TASP1: variants seen among roughly 807,000 people sequenced by gnomAD.
TASP1 encodes the protein threonine aspartase 1.
TASP1 carries 16 observed loss-of-function variants against 56.6 expected under a neutral mutation model. The ratio of observed to expected loss-of-function variants is 0.28; its 90% CI spans 0.19 to 0.43. TASP1 has a LOEUF of 0.43. Among genes scored for constraint, TASP1 ranks in the 20% least tolerant of loss-of-function variants. TASP1 has a pLI of 1.00. For synonymous variants in TASP1, 179 were observed against 184.2 expected (o/e 0.97, Z 0.23); for missense variants, 393 against 511.6 (o/e 0.77, Z 2.24).
At chr20:13,421,810 A>C (rs190950676) in intron 12 of TASP1, among the ~76,000 whole-genome samples, 72 of 152,306 alleles carry the variant, frequency 4.7e-4, no homozygotes, top group Non-Finnish European at 8.8e-4. Context: ...TATGCTCTGT[A>C]ATGCTGATGA....
chr20:13,160,103 G>A, the TASP1 span: 1 of 1,613,902 alleles, frequency 6.2e-7, no homozygotes, highest in Non-Finnish European at 8.5e-7. Context: ...TTGTGTTTCA[G>A]CGGCACATAC....
At chr20:13,473,662 C>G (rs904041897) in intron 11 of TASP1, among the ~76,000 whole-genome samples, 1 of 152,072 alleles carries the variant, frequency 6.6e-6, no homozygotes, top group African/African-American at 2.4e-5. Context: ...AAACAAACCC[C>G]AAGATTTTCC....
chr20:13,535,748 G>T (rs2045393318), intron 8 of TASP1, among the ~76,000 whole-genome samples: 1 of 152,152 alleles, frequency 6.6e-6, no homozygotes, highest in Admixed American at 6.6e-5. Context: ...TACAAAACAT[G>T]CCCAATAGTG....
At chr20:13,479,439 T>C (rs189787683) in intron 11 of TASP1, among the ~76,000 whole-genome samples, 12 of 152,124 alleles carry the variant, frequency 7.9e-5, no homozygotes, top group Admixed American at 3.3e-4. Flanking sequence ...TATAATTTCA[T>C]TTAATGGCTA....
the TASP1 span, among the ~76,000 whole-genome samples, chr20:13,185,610 A>G: frequency 6.6e-6 from 1 of 152,142 alleles, no homozygotes; most frequent in Non-Finnish European, 1.5e-5. Flanking sequence ...GCACACCTGT[A>G]CTTGATTCCA....
chr20:13,289,964 C>A, the TASP1 span, among the ~76,000 whole-genome samples: 2 of 152,104 alleles, frequency 1.3e-5, no homozygotes, highest in Non-Finnish European at 2.9e-5. Flanking sequence ...AGTTCTCCAA[C>A]CAGAGACATT....
At chr20:13,397,421 T>C (rs896255451) in intron 13 of TASP1, among the ~76,000 whole-genome samples, 3 of 150,296 alleles carry the variant, frequency 2.0e-5, no homozygotes, top group African/African-American at 7.4e-5. Context: ...TTTTTTCAGA[T>C]GAAAAAAAAA....
chr20:13,574,910 G>GA (rs1348277147), intron 6 of TASP1, among the ~76,000 whole-genome samples: 2 of 151,916 alleles, frequency 1.3e-5, no homozygotes, highest in African/African-American at 4.8e-5. Context: ...CAGGGATTCA[G>GA]AAAAAAATAT....
intron 10 of TASP1, among the ~76,000 whole-genome samples, chr20:13,488,971 CA>C (rs1442986954): frequency 2.6e-5 from 4 of 152,312 alleles, no homozygotes; most frequent in African/African-American, 9.6e-5. Context: ...CTTCATCAAA[CA>C]TGCCTGGCAA....
chr20:13,537,469 T>C (rs922260914), intron 8 of TASP1, among the ~76,000 whole-genome samples: 2 of 152,166 alleles, frequency 1.3e-5, no homozygotes, highest in South Asian at 2.1e-4. Flanking sequence ...AAGACAAACA[T>C]TGGTATTTTG....
At chr20:13,249,158 G>T in the TASP1 span, among the ~76,000 whole-genome samples, 1 of 152,162 alleles carries the variant, frequency 6.6e-6, no homozygotes, top group Admixed American at 6.5e-5. Flanking sequence ...AGGACACAAA[G>T]ATCTGGGGGG....
At chr20:13,104,864 T>C in the TASP1 span, among the ~76,000 whole-genome samples, 1 of 152,166 alleles carries the variant, frequency 6.6e-6, no homozygotes, top group Non-Finnish European at 1.5e-5. Flanking sequence ...GGCTTTTGTT[T>C]GGGGAACTTT....
intron 11 of TASP1, among the ~76,000 whole-genome samples, chr20:13,469,781 C>A (rs1242891094): frequency 8.7e-5 from 10 of 114,480 alleles, no homozygotes; most frequent in South Asian, 3.1e-4. Context: ...TTGTCCAGGT[C>A]AATAAATGTC....
chr20:13,429,882 T>G (rs2146149244), intron 12 of TASP1, among the ~76,000 whole-genome samples: 1 of 152,208 alleles, frequency 6.6e-6, no homozygotes, highest in African/African-American at 2.4e-5. Context: ...TGCCCTTTCT[T>G]CTTTCGGGAA....
At chr20:13,401,126 C>T (rs1007666214) in intron 13 of TASP1, among the ~76,000 whole-genome samples, 14 of 152,222 alleles carry the variant, frequency 9.2e-5, no homozygotes, top group African/African-American at 3.1e-4. Flanking sequence ...GGAAGTGGGT[C>T]CCAGTGTTGC....
At chr20:13,549,842 G>C (rs1229490298) in intron 8 of TASP1, among the ~76,000 whole-genome samples, 1 of 151,932 alleles carries the variant, frequency 6.6e-6, no homozygotes, top group Non-Finnish European at 1.5e-5. Context: ...AGTCTCTACA[G>C]AGCTATTAAA....
chr20:13,517,831 T>C (rs1754156631), intron 10 of TASP1, among the ~76,000 whole-genome samples: 1 of 152,108 alleles, frequency 6.6e-6, no homozygotes, highest in Non-Finnish European at 1.5e-5. Context: ...TAAAAGTTAA[T>C]CAGATATGAA....
At chr20:13,186,303 G>A in the TASP1 span, among the ~76,000 whole-genome samples, 12 of 152,132 alleles carry the variant, frequency 7.9e-5, no homozygotes, top group African/African-American at 2.7e-4. Context: ...TACTTTCCCG[G>A]GGGGAAAAAT....
At chr20:13,147,316 C>G in the TASP1 span, among the ~76,000 whole-genome samples, 1 of 152,214 alleles carries the variant, frequency 6.6e-6, no homozygotes. Flanking sequence ...TTCTCCACCC[C>G]ACTGGGAAGC....
Sources: allele counts gnomAD v4.1 joint callset (sites outside exome capture counted in the v4.1 genomes callset), GRCh38; gene constraint gnomAD v4.1.1; transcripts MANE v1.5; gene names NCBI Gene and HGNC (gene_info 2026-07-23, HGNC 2026-07-21).